PPP1R12B: variants seen among roughly 807,000 people sequenced by gnomAD.
PPP1R12B encodes the protein protein phosphatase 1 regulatory subunit 12B, also known as myosin phosphatase target subunit 2.
PPP1R12B carries 76 observed loss-of-function variants against 126.1 expected under a neutral mutation model. That is an observed-to-expected ratio of 0.60 (90% CI 0.50 to 0.73). The LOEUF is 0.73. Ranked by LOEUF, PPP1R12B falls within the 30% of genes least tolerant of loss-of-function variation. The pLI, the probability that PPP1R12B is intolerant of heterozygous loss-of-function variation, is 0.00. For synonymous variants in PPP1R12B, 356 were observed against 434.7 expected (o/e 0.82, Z 2.25); for missense variants, 1,052 against 1,205.1 (o/e 0.87, Z 1.88).
chr1:202,386,391 G>A (rs1248675302), intron 1 of PPP1R12B, among the ~76,000 whole-genome samples: 2 of 151,820 alleles, frequency 1.3e-5, no homozygotes, highest in African/African-American at 4.8e-5. Flanking sequence ...GAGTGCAGTG[G>A]CGCAATCTTG....
intron 1 of PPP1R12B, among the ~76,000 whole-genome samples, chr1:202,401,361 A>ATTTTTTTTTTT (rs34810265): frequency 4.1e-4 from 29 of 71,446 alleles, no homozygotes; most frequent in East Asian, 1.6e-3. Flanking sequence ...GGCTAATTTA[A>ATTTTTTTTTTT]TTTTTTTTTT....
intron 18 of PPP1R12B, among the ~76,000 whole-genome samples, chr1:202,504,714 A>G (rs904540004): frequency 2.0e-5 from 3 of 152,178 alleles, no homozygotes; most frequent in African/African-American, 7.2e-5. Context: ...ATGACAAATA[A>G]TATAGCATAA....
chr1:202,478,391 A>G (rs1488479671), intron 13 of PPP1R12B, among the ~76,000 whole-genome samples: 1 of 152,254 alleles, frequency 6.6e-6, no homozygotes, highest in Non-Finnish European at 1.5e-5. Context: ...CAACGCAGCT[A>G]TAAGTTAGGC....
rs372542159 is a variant in PPP1R12B, at chr1:202,527,072, A to G, written c.2490+30250A>G. On this transcript the variant is annotated intron_variant, in intron 18 of 23. Transcript: ENST00000608999. ...AAGTAAGTAGAAGGAATGAAATAAA[A>G]TAAAGATAAAAGCAGAAATTAATGA... Among the ~76,000 whole-genome samples, 7 of 152,260 alleles carry G rather than the reference A, an allele frequency of 4.6e-5. No homozygotes were observed. The East Asian group carries it at 9.6e-4, about 21-fold the overall frequency.
At chr1:202,570,690 C>T (rs952363307) in intron 23 of PPP1R12B, among the ~76,000 whole-genome samples, 6 of 152,008 alleles carry the variant, frequency 3.9e-5, no homozygotes, top group African/African-American at 1.5e-4. Context: ...TAGAGATAAC[C>T]AGTTCTTTTT....
At chr1:202,398,059 C>T (rs554219318) in intron 1 of PPP1R12B, among the ~76,000 whole-genome samples, 3 of 152,224 alleles carry the variant, frequency 2.0e-5, no homozygotes, top group African/African-American at 4.8e-5. Flanking sequence ...TACAGGTGTG[C>T]GCCCCTGTGC....
Position 202,584,648 on chromosome 1 carries a change from T to C in PPP1R12B, c.*4088T>C, listed in dbSNP as rs1689716363. 1 of 152,152 alleles carries C rather than the reference T, an allele frequency of 6.6e-6. No homozygotes were observed. Among genetic ancestry groups the C allele is most frequent in the Admixed American group, 6.5e-5 (1 of 15,274 alleles). The allele number at this position is 152,152 out of a possible 1,614,324, so 9.4% of individuals were successfully genotyped here. ...AGGCCACTGGTGAGTGTCGGCACCC[T>C]TGAGGTGGGCATGGAGTGAGCAGAA... On this transcript the variant is annotated 3_prime_UTR_variant, in exon 24 of 24. Coordinates refer to ENST00000608999, the MANE Select transcript of PPP1R12B (RefSeq NM_002481.4).
chr1:202,479,418 A>C (rs1280360018), intron 13 of PPP1R12B, among the ~76,000 whole-genome samples: 1 of 152,220 alleles, frequency 6.6e-6, no homozygotes, highest in East Asian at 1.9e-4. Flanking sequence ...GAGAGAAGGA[A>C]ACCTTAAAAG....
intron 1 of PPP1R12B, among the ~76,000 whole-genome samples, chr1:202,394,235 G>A (rs1571795380): frequency 6.6e-6 from 1 of 151,674 alleles, no homozygotes; most frequent in Non-Finnish European, 1.5e-5. Flanking sequence ...CTGAGATCGC[G>A]CCAGCCAAGA....
chr1:202,429,555 C>T lies in PPP1R12B; in HGVS notation c.921+626C>T, dbSNP rs150764266. ...GCTATACAGGAGAACTACATAAGTA[C>T]GGTATTTTTGTTCAGACTGCAGAAT... On this transcript the variant is annotated intron_variant, in intron 6 of 23. Coordinates refer to ENST00000608999, the MANE Select transcript of PPP1R12B (RefSeq NM_002481.4). Among the ~76,000 whole-genome samples the T allele has an allele frequency of 2.1e-3, 312 of 152,144 alleles. 1 individual carries two copies. Among genetic ancestry groups the T allele is most frequent in the African/African-American group, 4.8e-3 (198 of 41,494 alleles).
At chr1:202,456,747 C>T (rs1184400416) in intron 13 of PPP1R12B, among the ~76,000 whole-genome samples, 1 of 152,136 alleles carries the variant, frequency 6.6e-6, no homozygotes, top group East Asian at 1.9e-4. Flanking sequence ...GTTTAGAAAT[C>T]CCAAAAGTCA....
At chr1:202,364,324 A>G (rs779774287) in intron 1 of PPP1R12B, among the ~76,000 whole-genome samples, 8 of 152,178 alleles carry the variant, frequency 5.3e-5, no homozygotes, top group Admixed American at 2.0e-4. Context: ...TCAAAGTAAT[A>G]GAAACATCAG....
At chr1:202,502,579 G>C (rs1458093727) in intron 18 of PPP1R12B, 1 of 642,728 alleles carries the variant, frequency 1.6e-6, no homozygotes, top group African/African-American at 2.0e-5. Flanking sequence ...AAACAGCCCT[G>C]CTCTTACGGA....
intron 1 of PPP1R12B, among the ~76,000 whole-genome samples, chr1:202,359,606 C>T (rs535895637): frequency 6.7e-6 from 1 of 149,188 alleles, no homozygotes; most frequent in East Asian, 2.0e-4. Context: ...ATGGTGAAAC[C>T]CTGTCTCCAC....
chr1:202,504,542 A>G (rs543038195), intron 18 of PPP1R12B, among the ~76,000 whole-genome samples: 2 of 152,346 alleles, frequency 1.3e-5, no homozygotes, highest in South Asian at 4.1e-4. Context: ...TTTAAAGGTC[A>G]CCTAGTTAAC....
intron 8 of PPP1R12B, among the ~76,000 whole-genome samples, chr1:202,432,732 C>T (rs530157225): frequency 2.6e-5 from 4 of 152,316 alleles, no homozygotes; most frequent in African/African-American, 7.2e-5. Context: ...ATTTTCACTG[C>T]CATATTATCC....
chr1:202,480,021 A>G (rs546908269), intron 13 of PPP1R12B, among the ~76,000 whole-genome samples: 2 of 152,368 alleles, frequency 1.3e-5, no homozygotes, highest in East Asian at 3.9e-4. Flanking sequence ...ATTAGCATAC[A>G]TACCAAGAAA....
intron 1 of PPP1R12B, among the ~76,000 whole-genome samples, chr1:202,353,627 TGTGA>T (rs956403745): frequency 1.4e-5 from 2 of 142,332 alleles, no homozygotes; most frequent in African/African-American, 5.0e-5. Flanking sequence ...TGTGTGTGTG[TGTGA>T]CAGGGTCTTG....
At chr1:202,487,603 CT>C (rs35559949) in intron 13 of PPP1R12B, among the ~76,000 whole-genome samples, 24 of 147,044 alleles carry the variant, frequency 1.6e-4, no homozygotes, top group South Asian at 4.3e-4. Context: ...AGATACATTT[CT>C]TTTTTTTTTT....
Sources: gnomAD v4.1 joint callset for allele counts (sites outside exome capture counted in the v4.1 genomes callset) on GRCh38, gnomAD v4.1.1 for gene constraint, MANE v1.5 for transcripts, NCBI Gene and HGNC (gene_info 2026-07-23, HGNC 2026-07-21) for gene names.